NLRP5: variants seen among roughly 807,000 people sequenced by gnomAD.
NLRP5 encodes the protein NACHT, LRR and PYD domains-containing protein 5.
Under a neutral mutation model 113.1 loss-of-function variants are expected in NLRP5, and 93 were observed. The observed-to-expected ratio is 0.82, with a 90% CI of 0.70 to 0.98. NLRP5 has a LOEUF of 0.98. NLRP5 is among the 50% of genes least tolerant of loss of function. The pLI is 0.00. For missense variants in NLRP5, 1,808 were observed against 1,514.3 expected, an observed-to-expected ratio of 1.19 and a Z score of -3.22; for synonymous variants, 751 against 600.7, an observed-to-expected ratio of 1.25 and a Z score of -3.66.
chr19:56,016,442 C>T (rs1490522629), intron 4 of NLRP5, among the ~76,000 whole-genome samples: 1 of 152,138 alleles, frequency 6.6e-6, no homozygotes, highest in Non-Finnish European at 1.5e-5. Context: ...CTTGAGCCAC[C>T]ACACCCAGCT....
In NLRP5 at chr19:56,037,693, C is replaced by CAAAAA. The variant is rs11301032; in HGVS notation, c.2616-315_2616-311dup. 1.2e-3 allele frequency among the ~76,000 whole-genome samples: 105 copies of CAAAAA among 87,710 alleles called. 1 individual carries two copies. The highest frequency in any genetic ancestry group is 4.1e-3 in the African/African-American group (95 of 23,076). 57.5% of individuals were successfully genotyped at this position (87,710 alleles called of 152,430 possible). A position where few individuals can be genotyped will look rare whatever the true frequency, so the allele number is the denominator to read the frequency against. ...GGGTGACAAGAGCAAGACCCTGTCT[C>CAAAAA]AAAAAAAAAAAAAAAAAAAAATGTT... On this transcript the variant is annotated intron_variant, in intron 9 of 14. Coordinates refer to ENST00000390649, the MANE Select transcript of NLRP5 (RefSeq NM_153447.4).
chr19:56,056,063 C>G lies in NLRP5; in HGVS notation c.3300-2177C>G, dbSNP rs184907280. 3.9e-5 allele frequency among the ~76,000 whole-genome samples: 6 copies of G among 152,228 alleles called. No homozygotes were observed. In the East Asian group the frequency reaches 1.2e-3, roughly 29 times the overall value. On this transcript the variant is annotated intron_variant, in intron 13 of 14. Coordinates refer to ENST00000390649, the MANE Select transcript of NLRP5 (RefSeq NM_153447.4). ...TTTTCCCAGCATTAGTTGTCTGGTC[C>G]ACTCGTTTTCCCCACCACCTGAGTC...
chr19:56,013,394 G>A lies in NLRP5; in HGVS notation c.509-2348G>A, dbSNP rs569586200. On this transcript the variant is annotated intron_variant, in intron 3 of 14. Coordinates refer to ENST00000390649, the MANE Select transcript of NLRP5 (RefSeq NM_153447.4). ...TTTTCAGTAGAGACGGGGTTTCACAGTGTTAGCCAAAATTGTCTCGATATC... is the reference window on the plus strand; with the variant it reads ...TTTTCAGTAGAGACGGGGTTTCACAATGTTAGCCAAAATTGTCTCGATATC... 2.7e-4 allele frequency among the ~76,000 whole-genome samples: 41 copies of A among 151,868 alleles called. No individual in the cohort carries two copies. In the South Asian group the frequency reaches 7.1e-3, roughly 26 times the overall value.
chr19:56,029,111 A>G (rs1982993798), intron 7 of NLRP5, among the ~76,000 whole-genome samples: 1 of 152,040 alleles, frequency 6.6e-6, no homozygotes, highest in Non-Finnish European at 1.5e-5. Context: ...TATGGTGTCC[A>G]GGGCCGTGCT....
intron 11 of NLRP5, among the ~76,000 whole-genome samples, chr19:56,044,120 G>A (rs1337093710): frequency 6.7e-6 from 1 of 149,616 alleles, no homozygotes; most frequent in Non-Finnish European, 1.5e-5. Context: ...CTGGAGTGCA[G>A]TGGCACGATC....
At chr19:56,012,729 TAC>T (rs1568485155) in intron 3 of NLRP5, among the ~76,000 whole-genome samples, 1 of 152,138 alleles carries the variant, frequency 6.6e-6, no homozygotes. Flanking sequence ...GAATGACACT[TAC>T]AGACTTCTTT....
At chr19:56,059,807 G>A (rs1284681328) in intron 14 of NLRP5, among the ~76,000 whole-genome samples, 1 of 152,224 alleles carries the variant, frequency 6.6e-6, no homozygotes, top group African/African-American at 2.4e-5. Flanking sequence ...TGACAGGCAT[G>A]AGCCACCACG....
chr19:56,050,652 A>G, intron 12 of NLRP5, 64 bp downstream of exon 12: 5 of 1,503,672 alleles, frequency 3.3e-6, no homozygotes, highest in South Asian at 2.5e-5. Context: ...CTGAAAGGTC[A>G]AGAGATAGGA....
Position 56,041,043 on chromosome 19 carries a change from C to T in NLRP5, c.2908C>T (p.Leu970=), listed in dbSNP as rs552325797. ...CAGCCTGGGGAACGAAGGTGTAAATCTACTGTGTCGATCCATGAGGCTTCC... is the reference window on the plus strand; with the variant it reads ...CAGCCTGGGGAACGAAGGTGTAAATTTACTGTGTCGATCCATGAGGCTTCC... Residue 970 remains leucine, a synonymous_variant, in exon 11 of 15, where the codon CTA becomes TTA. Transcript: ENST00000390649. The T allele has an allele frequency of 3.1e-6, 5 of 1,613,988 alleles. No individual in the cohort carries two copies. In the South Asian group the frequency reaches 4.4e-5, roughly 14 times the overall value.
At chr19:56,046,552 T>C (rs1029547533) in intron 11 of NLRP5, among the ~76,000 whole-genome samples, 9 of 152,188 alleles carry the variant, frequency 5.9e-5, no homozygotes, top group Admixed American at 2.6e-4. Flanking sequence ...TCTTGTTTTT[T>C]TTTTCTGACA....
chr19:55,998,672 G>GTGTGTGTGTGTA (rs1474569739), upstream of NLRP5, among the ~76,000 whole-genome samples: 4 of 105,966 alleles, frequency 3.8e-5, no homozygotes, highest in Admixed American at 1.1e-4. Flanking sequence ...GTGTGTGTGT[G>GTGTGTGTGTGTA]TATATATATA....
Position 56,015,765 on chromosome 19 carries a change from G to T in NLRP5, c.532G>T (p.Asp178Tyr). ...AGGAATTTCACAAGCTGTGCAACAA[G>T]ATAGTGCCACAGCTGCAGAGACAAA... Residue 178 changes from aspartate (D) to tyrosine (Y), a missense_variant, in exon 4 of 15, where the codon GAT becomes TAT. By Grantham distance (160) the Asp-to-Tyr change is radical (BLOSUM62 -3). Transcript: ENST00000390649. 6.4e-7 allele frequency: 1 copy of T among 1,573,008 alleles called. No homozygotes were observed. The highest frequency in any genetic ancestry group is 8.6e-7 in the Non-Finnish European group (1 of 1,157,462).
intron 7 of NLRP5, 44 bp downstream of exon 7, chr19:56,028,553 CTG>C: frequency 1.3e-6 from 2 of 1,556,132 alleles, no homozygotes; most frequent in East Asian, 2.2e-5. Context: ...GTGCTGAGCT[CTG>C]TGTCTCTACT....
At chr19:56,058,936 C>A (rs189224335) in intron 14 of NLRP5, among the ~76,000 whole-genome samples, 2 of 152,068 alleles carry the variant, frequency 1.3e-5, no homozygotes, top group African/African-American at 4.8e-5. Flanking sequence ...CTTGACATGC[C>A]GAGTGGAATA....
At chr19:56,026,007 C>T (rs1034472904) in intron 6 of NLRP5, among the ~76,000 whole-genome samples, 6 of 152,254 alleles carry the variant, frequency 3.9e-5, no homozygotes, top group East Asian at 1.9e-4. Context: ...GCAAATACAG[C>T]GTAACCCATC....
At chr19:56,011,472 T>C (rs34037352) in intron 3 of NLRP5, among the ~76,000 whole-genome samples, 57,192 of 151,812 alleles carry the variant, frequency 0.38, 10,966 homozygotes, top group Admixed American at 0.41. Context: ...AATGGGTGAA[T>C]TGTATGATTT....
intron 4 of NLRP5, among the ~76,000 whole-genome samples, chr19:56,016,027 A>G (rs761085332): frequency 2.6e-5 from 4 of 152,206 alleles, no homozygotes; most frequent in Non-Finnish European, 4.4e-5. Context: ...TAACTGAAAA[A>G]TAAGAATTGT....
intron 3 of NLRP5, among the ~76,000 whole-genome samples, chr19:56,014,529 A>G (rs998194377): frequency 1.3e-5 from 2 of 152,074 alleles, no homozygotes; most frequent in African/African-American, 4.8e-5. Flanking sequence ...GTTTACACCA[A>G]TATTTCCTCT....
At position 56,013,596 on chromosome 19, in the gene NLRP5, G is replaced by GTTTTTTTTTT. The variant is rs71183002; in HGVS notation, c.509-2134_509-2125dup. ...CATTTATCACATGATGGACATTTGG[G>GTTTTTTTTTT]TTTTTTTTTTTTTTTTTTTTTGCTA... On this transcript the variant is annotated intron_variant, in intron 3 of 14. Transcript: ENST00000390649. 4.5e-3 allele frequency among the ~76,000 whole-genome samples: 264 copies of GTTTTTTTTTT among 59,216 alleles called. 44 individuals are homozygous for GTTTTTTTTTT. Among genetic ancestry groups the GTTTTTTTTTT allele is most frequent in the African/African-American group, 0.02 (227 of 11,496 alleles). The allele number at this position is 59,216 out of a possible 152,430, so 38.8% of individuals were successfully genotyped here.
Sources: allele counts gnomAD v4.1 joint callset (sites outside exome capture counted in the v4.1 genomes callset), GRCh38; gene constraint gnomAD v4.1.1; transcripts MANE v1.5; gene names NCBI Gene and HGNC (gene_info 2026-07-23, HGNC 2026-07-21).